Variants in NFATC3 observed in about 807,000 individuals in gnomAD.
The protein encoded by NFATC3 is nuclear factor of activated T cells 3, also known as nuclear factor of activated T-cells, cytoplasmic 3.
Under a neutral mutation model 98.6 loss-of-function variants are expected in NFATC3, and 46 were observed. That is an observed-to-expected ratio of 0.47 (90% confidence interval 0.37 to 0.60). The LOEUF (loss-of-function observed/expected upper bound fraction) is 0.60, where lower values mean the gene tolerates loss of function less well. Among genes scored for constraint, NFATC3 ranks in the 20% least tolerant of loss-of-function variants. The pLI, the probability that NFATC3 is intolerant of heterozygous loss-of-function variation, is 0.00. For synonymous variants in NFATC3, 512 were observed against 472.2 expected, an observed-to-expected ratio of 1.08 and a Z score of -1.09; for missense variants, 1,256 against 1,295.5, an observed-to-expected ratio of 0.97 and a Z score of 0.47.
intron 1 of NFATC3, among the ~76,000 whole-genome samples, chr16:68,105,342 C>T (rs1384755641): frequency 6.6e-6 from 1 of 152,086 alleles, no homozygotes; most frequent in Non-Finnish European, 1.5e-5. Flanking sequence ...CCACGTGCCT[C>T]AGCCTCCCAA....
At chr16:68,190,536 T>C (rs2040389903) in intron 8 of NFATC3, among the ~76,000 whole-genome samples, 1 of 152,226 alleles carries the variant, frequency 6.6e-6, no homozygotes. Flanking sequence ...TAGTTTCTTG[T>C]GCCTCTTCCC....
chr16:68,103,245 C>G (rs1038720752), intron 1 of NFATC3, among the ~76,000 whole-genome samples: 1 of 151,294 alleles, frequency 6.6e-6, no homozygotes, highest in Admixed American at 6.6e-5. Flanking sequence ...CTCTGTTGCC[C>G]AGGCTGGAAT....
intron 6 of NFATC3, among the ~76,000 whole-genome samples, chr16:68,178,962 C>G (rs2151621778): frequency 6.6e-6 from 1 of 152,290 alleles, no homozygotes; most frequent in South Asian, 2.1e-4. Flanking sequence ...TTATGGCATT[C>G]AGGCCATAAT....
chr16:68,121,302 A>G (rs576653885), intron 1 of NFATC3, among the ~76,000 whole-genome samples: 68 of 138,316 alleles, frequency 4.9e-4, no homozygotes, highest in African/African-American at 1.8e-3. Context: ...GCTGGAGTAC[A>G]GTGGCGTGAT....
rs544713980 is a variant in NFATC3 at position 68,102,664 on chromosome 16, C to T, written c.103+16880C>T. ...AATCTCAGGAGACCATTTTCACATA[C>T]GTGGTCTGTCATTGACCAAAACATC... On this transcript the variant is annotated intron_variant, in intron 1 of 9. Coordinates refer to ENST00000346183, the MANE Select transcript of NFATC3 (RefSeq NM_173165.3). 4.6e-5 allele frequency among the ~76,000 whole-genome samples: 7 copies of T among 152,206 alleles called. No individual in the cohort carries two copies. In the South Asian group the frequency reaches 1.2e-3, roughly 27 times the overall value.
Position 68,122,233 on chromosome 16 carries a change from C to G in NFATC3, c.350C>G (p.Ser117Cys), listed in dbSNP as rs1403954925. ...ECPSIQITSI[S>C]PNCHQELDAH... is the part of the protein sequence containing the mutation. ...CCAAGTATTCAAATTACATCTATCT[C>G]TCCTAACTGTCATCAAGAATTAGAT... The change falls in exon 2 of 10, where the codon TCT becomes TGT. Residue 117 changes from serine to cysteine, a missense_variant. Around this residue, in one of 3 missense-constraint regions of NFATC3, gnomAD observed 464 missense variants for 465.7 expected, o/e 1.00. Transcript: ENST00000346183. 4 of 1,614,152 alleles carry G rather than the reference C, an allele frequency of 2.5e-6. No individual in the cohort carries two copies. Among genetic ancestry groups the G allele is most frequent in the Non-Finnish European group, 3.4e-6 (4 of 1,180,030 alleles).
At chr16:68,148,719 G>A (rs924303199) in intron 3 of NFATC3, among the ~76,000 whole-genome samples, 1 of 152,110 alleles carries the variant, frequency 6.6e-6, no homozygotes, top group Non-Finnish European at 1.5e-5. Context: ...ATAAAAGAAG[G>A]AGTTAAGACC....
intron 3 of NFATC3, chr16:68,138,562 C>T (rs1598428081): frequency 6.2e-6 from 8 of 1,289,162 alleles, no homozygotes; most frequent in Non-Finnish European, 8.1e-6. Flanking sequence ...ACAGCTTCTA[C>T]TGTCCATGGG....
intron 3 of NFATC3, among the ~76,000 whole-genome samples, chr16:68,152,774 T>G (rs922636914): frequency 6.6e-6 from 1 of 152,244 alleles, no homozygotes; most frequent in African/African-American, 2.4e-5. Context: ...TTTTCTGATG[T>G]GAAACTTATG....
At position 68,227,016 on chromosome 16, in the gene NFATC3, A is replaced by G. The variant is rs2042054462; in HGVS notation, c.*545A>G. 1 of 152,078 alleles carries G rather than the reference A, an allele frequency of 6.6e-6. No homozygotes were observed. The highest frequency in any genetic ancestry group is 2.4e-5 in the African/African-American group (1 of 41,406). The allele number at this position is 152,078 out of a possible 1,614,324, so 9.4% of individuals were successfully genotyped here. A position where few individuals can be genotyped will look rare whatever the true frequency, so the allele number is the denominator to read the frequency against. On this transcript the variant is annotated 3_prime_UTR_variant, in exon 10 of 10. Coordinates refer to ENST00000346183, the MANE Select transcript of NFATC3 (RefSeq NM_173165.3). ...GTCAGCATGTGTCCTGAAGACGTTC[A>G]TAGATTTATAGGAAATAAAGCCAAA...
chr16:68,110,308 AT>A (rs139459907), intron 1 of NFATC3, among the ~76,000 whole-genome samples: 2,612 of 110,176 alleles, frequency 0.024, 62 homozygotes, highest in African/African-American at 0.079. Context: ...CCTGGCCTGA[AT>A]TTTTTTTTTT....
intron 2 of NFATC3, among the ~76,000 whole-genome samples, chr16:68,125,883 T>C (rs1420301381): frequency 1.3e-5 from 2 of 152,006 alleles, no homozygotes; most frequent in African/African-American, 4.8e-5. Context: ...TTAAATTTTA[T>C]TTTATTTTAT....
intron 1 of NFATC3, among the ~76,000 whole-genome samples, chr16:68,100,987 G>A (rs2035320206): frequency 6.6e-6 from 1 of 151,524 alleles, no homozygotes; most frequent in Admixed American, 6.6e-5. Context: ...TCTGTGATTT[G>A]TTTTTTAATT....
intron 5 of NFATC3, among the ~76,000 whole-genome samples, chr16:68,168,611 G>A (rs779855373): frequency 2.6e-5 from 4 of 152,052 alleles, no homozygotes; most frequent in Non-Finnish European, 5.9e-5. Flanking sequence ...TCAGTCTCCT[G>A]AGTAGCTGAG....
chr16:68,140,016 A>C (rs897007119), intron 3 of NFATC3, among the ~76,000 whole-genome samples: 1 of 152,090 alleles, frequency 6.6e-6, no homozygotes, highest in African/African-American at 2.4e-5. Flanking sequence ...TTATTTTTTG[A>C]GACAGAGTCT....
chr16:68,191,940 C>G, intron 9 of NFATC3, 165 bp downstream of exon 9: 1 of 724,342 alleles, frequency 1.4e-6, no homozygotes, highest in Non-Finnish European at 2.2e-6. Context: ...CCAGGTACCA[C>G]GGCTCACGCC....
In NFATC3 at chr16:68,228,111, T is replaced by C. The variant is rs1314427101; in HGVS notation, c.*1640T>C. ...TGTCAGTAGGTTAGGAGCTGTTGAC[T>C]CAGGATGAGGAAGTATGGTCTTTAA... On this transcript the variant is annotated 3_prime_UTR_variant, in exon 10 of 10. Coordinates refer to ENST00000346183, the MANE Select transcript of NFATC3 (RefSeq NM_173165.3). 4 of 152,150 alleles carry C rather than the reference T, an allele frequency of 2.6e-5. No individual in the cohort carries two copies. Among genetic ancestry groups the C allele is most frequent in the African/African-American group, 9.7e-5 (4 of 41,418 alleles). 9.4% of individuals were successfully genotyped at this position (152,150 alleles called of 1,614,324 possible).
Position 68,114,620 on chromosome 16 carries a change from G to C in NFATC3, c.104-7367G>C, listed in dbSNP as rs535875384. 3.0e-4 allele frequency among the ~76,000 whole-genome samples: 46 copies of C among 150,910 alleles called. No homozygotes were observed. The South Asian group carries it at 9.7e-3, about 32-fold the overall frequency. ...AGACGGAGTCTTGCTTTGTTGCCAGGCTGGAGTGCTGTGGTGCAATCTTGG... is the reference window on the plus strand; with the variant it reads ...AGACGGAGTCTTGCTTTGTTGCCAGCCTGGAGTGCTGTGGTGCAATCTTGG... On this transcript the variant is annotated intron_variant, in intron 1 of 9. Coordinates refer to ENST00000346183, the MANE Select transcript of NFATC3 (RefSeq NM_173165.3).
rs2036841838 is a variant in NFATC3, at chr16:68,126,594, G to T, written c.1385G>T (p.Gly462Val). ...GGGGCAGTAAAAGCATCTACTGGGG[G>T]ACATCCTGTTGTGAAGGTATGAGAC... ...SRGAVKASTG[G>V]HPVVKLLGYN... The change falls in exon 3 of 10, where the codon GGA becomes GTA. Residue 462 changes from glycine to valine, a missense_variant. By Grantham distance (109) the Gly-to-Val change is moderately radical. This residue lies in a region of NFATC3 where 156 missense variants were observed against 212.4 expected (regional missense o/e 0.73). Transcript: ENST00000346183. 1 of 1,614,120 alleles carries T rather than the reference G, an allele frequency of 6.2e-7. No homozygotes were observed. The highest frequency in any genetic ancestry group is 8.5e-7 in the Non-Finnish European group (1 of 1,180,002).
Sources: allele counts gnomAD v4.1 joint callset (sites outside exome capture counted in the v4.1 genomes callset), GRCh38; gene constraint gnomAD v4.1.1; regional missense constraint gnomAD v4.1.1; transcripts MANE v1.5; gene names NCBI Gene and HGNC (gene_info 2026-07-23, HGNC 2026-07-21).